DPP10: variants seen among roughly 807,000 people sequenced by gnomAD.
DPP10 encodes inactive dipeptidyl peptidase 10.
Under a neutral mutation model 120.9 loss-of-function variants are expected in DPP10, and 33 were observed. The ratio of observed to expected loss-of-function variants is 0.27; its 90% CI spans 0.21 to 0.37. The LOEUF (loss-of-function observed/expected upper bound fraction) is 0.37, where lower values mean the gene tolerates loss of function less well. DPP10 is among the 10% of genes least tolerant of loss of function. The probability of loss-of-function intolerance (pLI) is 1.00; values close to 1 mark genes in which losing one functional copy is unlikely to be tolerated. For missense variants in DPP10, 816 were observed against 942.8 expected (o/e 0.87, Z 1.76); for synonymous variants, 337 against 326.1 (o/e 1.03, Z -0.36).
chr2:115,091,882 A>C (rs953726463), intron 1 of DPP10, among the ~76,000 whole-genome samples: 1 of 152,184 alleles, frequency 6.6e-6, no homozygotes, highest in African/African-American at 2.4e-5. Flanking sequence ...ATGTAAGCTG[A>C]AAATAGTCAC....
At chr2:115,024,505 T>C (rs1703314266) in intron 1 of DPP10, among the ~76,000 whole-genome samples, 1 of 151,702 alleles carries the variant, frequency 6.6e-6, no homozygotes, top group African/African-American at 2.4e-5. Flanking sequence ...TACATATTTT[T>C]CTTATTTTTA....
chr2:115,262,686 G>A (rs898398542), intron 1 of DPP10, among the ~76,000 whole-genome samples: 1 of 151,926 alleles, frequency 6.6e-6, no homozygotes, highest in Non-Finnish European at 1.5e-5. Flanking sequence ...GTCAGTTCTG[G>A]CTCCTGGATA....
chr2:115,777,090 C>G (rs1682191448), intron 13 of DPP10, 118 bp from the exon 14 acceptor site: 1 of 828,840 alleles, frequency 1.2e-6, no homozygotes, highest in South Asian at 1.7e-5. Flanking sequence ...GAACAGAAAA[C>G]TGAGTGTTAA....
At chr2:115,135,926 A>G (rs1471230949) in intron 1 of DPP10, among the ~76,000 whole-genome samples, 2 of 152,184 alleles carry the variant, frequency 1.3e-5, no homozygotes, top group African/African-American at 4.8e-5. Context: ...CTTCTCTCAC[A>G]TCTGCCTTGA....
chr2:115,766,531 TCATA>T (rs1321555815), intron 12 of DPP10, among the ~76,000 whole-genome samples: 2 of 151,944 alleles, frequency 1.3e-5, no homozygotes, highest in South Asian at 4.1e-4. Context: ...TGCACCAGTC[TCATA>T]CATACATACA....
At chr2:114,466,230 A>C (rs1679361671) in intron 1 of DPP10, among the ~76,000 whole-genome samples, 1 of 152,238 alleles carries the variant, frequency 6.6e-6, no homozygotes, top group African/African-American at 2.4e-5. Context: ...TAAAGCCACA[A>C]TAACTAAGGC....
chr2:115,494,957 C>A (rs747882323), intron 3 of DPP10, among the ~76,000 whole-genome samples: 1 of 151,950 alleles, frequency 6.6e-6, no homozygotes, highest in Non-Finnish European at 1.5e-5. Flanking sequence ...TTAAATTAGC[C>A]GTTAGCAAGA....
chr2:114,869,388 T>C (rs964490490), intron 1 of DPP10, among the ~76,000 whole-genome samples: 1 of 152,154 alleles, frequency 6.6e-6, no homozygotes, highest in Admixed American at 6.5e-5. Flanking sequence ...CACACTCATA[T>C]GCAACAAGTT....
rs117744307 is a variant in DPP10, at chr2:114,868,402, C to T, written c.60+425564C>T. On this transcript the variant is annotated intron_variant, in intron 1 of 25. Coordinates refer to ENST00000410059, the MANE Select transcript of DPP10 (RefSeq NM_020868.6). ...AGGACTATTGTATCTTAAAGTGACT[C>T]TGACCTCATCCGTAAGGTGTTCATT... 3.1e-3 allele frequency among the ~76,000 whole-genome samples: 471 copies of T among 152,308 alleles called. 12 individuals carry two copies. In the East Asian group the frequency reaches 0.065, roughly 21 times the overall value.
rs567837417 is a variant in DPP10, at chr2:114,937,342, G to A, written c.61-371897G>A. ...CATCTCAGCACTATTTATTGAATAT[G>A]GTGTCCTTTCCACACTTTGTTTTGT... is the stretch of plus-strand genomic sequence containing the variant. On this transcript the variant is annotated intron_variant, in intron 1 of 25. Coordinates refer to ENST00000410059, the MANE Select transcript of DPP10 (RefSeq NM_020868.6). 2.0e-5 allele frequency among the ~76,000 whole-genome samples: 3 copies of A among 152,168 alleles called. No homozygotes were observed. In the South Asian group the frequency reaches 6.2e-4, roughly 32 times the overall value.
chr2:115,297,923 A>G (rs1162594205), intron 1 of DPP10, among the ~76,000 whole-genome samples: 2 of 152,042 alleles, frequency 1.3e-5, no homozygotes, highest in Non-Finnish European at 2.9e-5. Flanking sequence ...GTGCTCTTTC[A>G]ACCACAATTT....
At chr2:115,303,890 T>C (rs1231383826) in intron 1 of DPP10, among the ~76,000 whole-genome samples, 1 of 152,000 alleles carries the variant, frequency 6.6e-6, no homozygotes, top group Non-Finnish European at 1.5e-5. Context: ...GCTAAACATT[T>C]CTTAGGTGTG....
In DPP10 at chr2:115,626,899, C is replaced by T. The variant is rs183796618; in HGVS notation, c.442-62788C>T. 1.2e-3 allele frequency among the ~76,000 whole-genome samples: 184 copies of T among 152,268 alleles called. 1 individual carries two copies. Among genetic ancestry groups the T allele is most frequent in the Middle Eastern group, 3.4e-3 (1 of 294 alleles). The stretch of plus-strand genomic sequence containing the variant: ...AACAGATATTGATTTCTAAATACCA[C>T]TCACTAAACACACATTGAAAACTGG... On this transcript the variant is annotated intron_variant, in intron 5 of 25. Transcript: ENST00000410059.
intron 1 of DPP10, among the ~76,000 whole-genome samples, chr2:115,278,037 GC>G (rs2105853782): frequency 6.6e-6 from 1 of 152,266 alleles, no homozygotes; most frequent in East Asian, 1.9e-4. Context: ...GGTAGTTAAG[GC>G]CATAGTTTGG....
intron 3 of DPP10, among the ~76,000 whole-genome samples, chr2:115,378,913 T>C (rs2106450394): frequency 6.6e-6 from 1 of 152,314 alleles, no homozygotes; most frequent in Admixed American, 6.5e-5. Flanking sequence ...CACTTGATCA[T>C]GGTGGATAAG....
At chr2:114,916,560 A>G (rs1419937694) in intron 1 of DPP10, among the ~76,000 whole-genome samples, 1 of 152,222 alleles carries the variant, frequency 6.6e-6, no homozygotes, top group Non-Finnish European at 1.5e-5. Context: ...ATGCATATAG[A>G]AGCAAAAATC....
chr2:114,478,874 A>C (rs1053490730), intron 1 of DPP10, among the ~76,000 whole-genome samples: 2 of 152,088 alleles, frequency 1.3e-5, no homozygotes, highest in African/African-American at 4.8e-5. Context: ...AAGCATGTAC[A>C]GAATCTGTAT....
chr2:115,343,676 C>A, intron 2 of DPP10, 141 bp from the exon 3 acceptor site: 2 of 453,138 alleles, frequency 4.4e-6, no homozygotes, highest in Non-Finnish European at 7.8e-6. Flanking sequence ...AGTTCAAATG[C>A]CAAAAACCAT....
intron 3 of DPP10, among the ~76,000 whole-genome samples, chr2:115,492,824 A>C (rs988510025): frequency 2.6e-5 from 4 of 152,170 alleles, no homozygotes; most frequent in Non-Finnish European, 1.5e-5. Flanking sequence ...TCAATAAAAA[A>C]GATCGAAAGG....
Sources: gnomAD v4.1 joint callset for allele counts (sites outside exome capture counted in the v4.1 genomes callset) on GRCh38, gnomAD v4.1.1 for gene constraint, MANE v1.5 for transcripts, NCBI Gene and HGNC (gene_info 2026-07-23, HGNC 2026-07-21) for gene names.